DOCK4: variants seen among roughly 807,000 people sequenced by gnomAD.
The protein encoded by DOCK4 is dedicator of cytokinesis 4.
In DOCK4, 97 loss-of-function variants were observed where a neutral mutation model predicts 268.1. That is an observed-to-expected ratio of 0.36 (90% CI 0.31 to 0.43). DOCK4 has a LOEUF of 0.43. DOCK4 is among the 20% of genes least tolerant of loss of function. The pLI is 1.00. For synonymous variants in DOCK4, 954 were observed against 887.2 expected (o/e 1.08, Z -1.34); for missense variants, 2,145 against 2,455.7 (o/e 0.87, Z 2.67).
intron 1 of DOCK4, among the ~76,000 whole-genome samples, chr7:112,133,433 T>C (rs951957672): frequency 3.9e-5 from 6 of 152,166 alleles, no homozygotes; most frequent in African/African-American, 1.2e-4. Context: ...AAAAGTATGC[T>C]ATAAAAAGGC....
At chr7:112,008,768 C>G (rs1188561752) in intron 1 of DOCK4, among the ~76,000 whole-genome samples, 1 of 152,182 alleles carries the variant, frequency 6.6e-6, no homozygotes, top group Non-Finnish European at 1.5e-5. Flanking sequence ...CCGAGGCAGG[C>G]AGATCACTTG....
At chr7:112,130,391 A>G (rs1016608240) in intron 1 of DOCK4, among the ~76,000 whole-genome samples, 1 of 152,224 alleles carries the variant, frequency 6.6e-6, no homozygotes, top group African/African-American at 2.4e-5. Context: ...ACTTCTCTTT[A>G]TATTTTAAGA....
chr7:111,830,379 T>C (rs769560201), intron 26 of DOCK4, among the ~76,000 whole-genome samples: 1 of 152,126 alleles, frequency 6.6e-6, no homozygotes, highest in Non-Finnish European at 1.5e-5. Context: ...TGAGTCAAGA[T>C]TGAGCCACTG....
In DOCK4 at chr7:111,778,264, A is replaced by G. The variant is rs1161239788; in HGVS notation, c.3679+12T>C. 4 of 1,594,738 alleles carry G rather than the reference A, an allele frequency of 2.5e-6. No individual in the cohort carries two copies. The highest frequency in any genetic ancestry group is 3.4e-6 in the Non-Finnish European group (4 of 1,163,194). ...AGCTCCCTTCCCAATCTGAGCCAAA[A>G]GACAGAATTACCTGTAAAGTTCTGT... On this transcript the variant is annotated intron_variant, in intron 36 of 52. Transcript: ENST00000428084.
chr7:112,119,855 T>C (rs1812564866), intron 1 of DOCK4, among the ~76,000 whole-genome samples: 1 of 151,710 alleles, frequency 6.6e-6, no homozygotes, highest in Non-Finnish European at 1.5e-5. Context: ...ATGGCTTTTT[T>C]TTTTTTTTCC....
intron 8 of DOCK4, among the ~76,000 whole-genome samples, chr7:111,946,504 G>C (rs1038146218): frequency 1.2e-4 from 18 of 152,144 alleles, no homozygotes; most frequent in African/African-American, 4.3e-4. Flanking sequence ...GTGCCACCTA[G>C]ATTTAATGAA....
chr7:111,995,246 T>C (rs1799844538), intron 4 of DOCK4, among the ~76,000 whole-genome samples: 1 of 152,072 alleles, frequency 6.6e-6, no homozygotes. Context: ...TTAGCCAGGA[T>C]GGTCTCAATA....
At chr7:112,092,510 G>A (rs2135766840) in intron 1 of DOCK4, among the ~76,000 whole-genome samples, 1 of 152,140 alleles carries the variant, frequency 6.6e-6, no homozygotes, top group Middle Eastern at 3.4e-3. Context: ...CGACCTAACG[G>A]CGCGACAGGC....
intron 23 of DOCK4, among the ~76,000 whole-genome samples, chr7:111,862,308 T>A (rs1468349858): frequency 1.3e-5 from 2 of 151,712 alleles, no homozygotes; most frequent in Admixed American, 1.3e-4. Context: ...CAAAAAAAGC[T>A]AAAGCAAATA....
At chr7:112,102,816 CTGAG>C (rs1305949563) in intron 1 of DOCK4, among the ~76,000 whole-genome samples, 6 of 152,142 alleles carry the variant, frequency 3.9e-5, no homozygotes, top group Non-Finnish European at 2.9e-5. Flanking sequence ...ACCTACTTTA[CTGAG>C]TGTCATAAGA....
chr7:112,125,259 A>AT (rs1813108184), intron 1 of DOCK4, among the ~76,000 whole-genome samples: 1 of 152,220 alleles, frequency 6.6e-6, no homozygotes, highest in African/African-American at 2.4e-5. Flanking sequence ...CATCAGGATG[A>AT]TCCCAAACCC....
chr7:111,758,002 G>C (rs1477241639), intron 41 of DOCK4, among the ~76,000 whole-genome samples: 2 of 152,224 alleles, frequency 1.3e-5, no homozygotes, highest in East Asian at 3.9e-4. Context: ...CTGGCTGAGG[G>C]TGCTGAAGTA....
intron 1 of DOCK4, among the ~76,000 whole-genome samples, chr7:112,048,726 G>GAA (rs77986467): frequency 4.9e-5 from 7 of 143,560 alleles, no homozygotes; most frequent in South Asian, 2.2e-4. Context: ...GGAAGAAAAA[G>GAA]AAAAAAAAAA....
At chr7:112,035,219 A>T (rs1414361722) in intron 1 of DOCK4, among the ~76,000 whole-genome samples, 3 of 152,136 alleles carry the variant, frequency 2.0e-5, no homozygotes, top group East Asian at 1.9e-4. Flanking sequence ...GATCAAGTGA[A>T]CTCACTTCTG....
intron 1 of DOCK4, among the ~76,000 whole-genome samples, chr7:112,099,297 T>TA (rs34373613): frequency 0.39 from 47,994 of 123,170 alleles, 9,259 homozygotes; most frequent in Non-Finnish European, 0.44. Flanking sequence ...GTCTCGGATT[T>TA]AAAAAAAAAA....
chr7:111,900,234 T>C lies in DOCK4; in HGVS notation c.1480+140A>G. 5 of 1,106,844 alleles carry C rather than the reference T, an allele frequency of 4.5e-6. No individual in the cohort carries two copies. In the South Asian group the frequency reaches 8.4e-5, roughly 19 times the overall value. 68.6% of individuals were successfully genotyped at this position (1,106,844 alleles called of 1,614,324 possible). ...CTTTTAACACTGTGCCTCCCCTTTC[T>C]GGCTAATCTTTCTAGAATGGAACAA... On this transcript the variant is annotated intron_variant, in intron 15 of 52. Transcript: ENST00000428084.
chr7:112,135,475 C>T (rs898777711), intron 1 of DOCK4, among the ~76,000 whole-genome samples: 7 of 152,038 alleles, frequency 4.6e-5, no homozygotes, highest in Non-Finnish European at 1.0e-4. Context: ...TATTCCAATA[C>T]CCAATTATAG....
chr7:112,021,550 G>T (rs565115799), intron 1 of DOCK4, among the ~76,000 whole-genome samples: 1 of 152,340 alleles, frequency 6.6e-6, no homozygotes, highest in African/African-American at 2.4e-5. Context: ...CCATGGGCAA[G>T]TCAGATGGGT....
At chr7:111,946,105 C>T (rs1167664692) in intron 8 of DOCK4, among the ~76,000 whole-genome samples, 1 of 152,080 alleles carries the variant, frequency 6.6e-6, no homozygotes, top group Non-Finnish European at 1.5e-5. Flanking sequence ...AATAAATGCA[C>T]TAAAAGAGAA....
Sources: gnomAD v4.1 joint callset for allele counts (sites outside exome capture counted in the v4.1 genomes callset) on GRCh38, gnomAD v4.1.1 for gene constraint, MANE v1.5 for transcripts, NCBI Gene and HGNC (gene_info 2026-07-23, HGNC 2026-07-21) for gene names.